SACS: variants seen among roughly 807,000 people sequenced by gnomAD.
SACS encodes the protein sacsin molecular chaperone.
In SACS, 197 loss-of-function variants were observed where a neutral mutation model predicts 348.0. The observed-to-expected ratio is 0.57, with a 90% CI of 0.50 to 0.64. SACS has a LOEUF of 0.64. SACS is among the 30% of genes least tolerant of loss of function. The pLI is 0.00. For synonymous variants in SACS, 1,985 were observed against 1,910.6 expected, an observed-to-expected ratio of 1.04 and a Z score of -1.02; for missense variants, 4,999 against 5,360.8, an observed-to-expected ratio of 0.93 and a Z score of 2.11.
intron 9 of SACS, among the ~76,000 whole-genome samples, chr13:23,346,999 A>T (rs2137672787): frequency 6.6e-6 from 1 of 152,348 alleles, no homozygotes; most frequent in South Asian, 2.1e-4. Context: ...ACATAGCAGA[A>T]TACACATCTA....
Position 23,335,328 on chromosome 13 carries a change from G to A in SACS, c.8548C>T (p.Arg2850Cys). 6.2e-7 allele frequency: 1 copy of A among 1,613,906 alleles called. No individual in the cohort carries two copies. The highest frequency in any genetic ancestry group is 8.5e-7 in the Non-Finnish European group (1 of 1,179,872). ...HKNQDITLFP[R>C]GGVAACITHN... ...GTAATGCAGGCAGCTACTCCACCAC[G>A]TGGGAAAAGAGTAATATCTTGGTTC... is the stretch of plus-strand genomic sequence containing the variant. The change falls in exon 10 of 10, where the codon CGT (arginine) becomes TGT (cysteine). Residue 2850 changes from arginine to cysteine, a missense_variant. This residue lies in a region of SACS where 3,156 missense variants were observed against 3,380.1 expected (regional missense o/e 0.93). Coordinates refer to ENST00000382292, the MANE Select transcript of SACS (RefSeq NM_014363.6). This position sits in a 1 kb window ranked among gnomAD's most constrained non-coding sequence, Gnocchi z 4.7.
chr13:23,336,769 T>A lies in SACS; in HGVS notation c.7107A>T (p.Pro2369=). 6.2e-7 allele frequency: 1 copy of A among 1,613,902 alleles called. No homozygotes were observed. The highest frequency in any genetic ancestry group is 8.5e-7 in the Non-Finnish European group (1 of 1,179,868). Residue 2369 remains proline, a synonymous_variant, in exon 10 of 10, where the codon CCA becomes CCT. Transcript: ENST00000382292. The stretch of plus-strand genomic sequence containing the variant: ...ACTTATTAGGCAACTGATAAAGGTA[T>A]GGTGCCGCCTCAAAATTTAAATGAA... ...VSFHLNFEAA[P]YLYQLPNKYK...
rs2137643172 is a variant in SACS, at chr13:23,341,339, T to G, written c.2537A>C (p.Lys846Thr). 1.2e-6 allele frequency: 2 copies of G among 1,605,320 alleles called. No individual in the cohort carries two copies. The highest frequency in any genetic ancestry group is 2.7e-5 in the African/African-American group (2 of 74,568). Residue 846 changes from lysine (K) to threonine (T), a missense_variant, in exon 10 of 10, where the codon AAA (lysine) becomes ACA (threonine). Transcript: ENST00000382292. ...LPEFLADIVQKLGGFVLKKLD... is the reference protein window; with the variant it reads ...LPEFLADIVQTLGGFVLKKLD... Reference sequence around the variant, plus strand: ...TTTTTTAAGGACAAACCCTCCAAGTTTTTGTACAATGTCTGCTAAAAATTC... The same window carrying G: ...TTTTTTAAGGACAAACCCTCCAAGTGTTTGTACAATGTCTGCTAAAAATTC...
intron 1 of SACS, among the ~76,000 whole-genome samples, chr13:23,416,958 T>C (rs1378530705): frequency 6.6e-6 from 1 of 152,112 alleles, no homozygotes; most frequent in African/African-American, 2.4e-5. Flanking sequence ...TATTCATGGA[T>C]AGAGTATTCA....
intron 2 of SACS, among the ~76,000 whole-genome samples, chr13:23,387,055 G>A (rs1290367333): frequency 1.3e-5 from 2 of 152,180 alleles, no homozygotes; most frequent in Non-Finnish European, 2.9e-5. Context: ...AAAATATTAT[G>A]AGAATTTCCA....
chr13:23,402,098 A>G (rs1461019790), intron 2 of SACS, among the ~76,000 whole-genome samples: 2 of 152,086 alleles, frequency 1.3e-5, no homozygotes, highest in African/African-American at 2.4e-5. Flanking sequence ...GAATGGCATG[A>G]ACCTGGAAGG....
In SACS at chr13:23,387,174, T is replaced by C. The variant is rs577273279; in HGVS notation, c.21-11905A>G. On this transcript the variant is annotated intron_variant, in intron 2 of 9. Coordinates refer to ENST00000382292, the MANE Select transcript of SACS (RefSeq NM_014363.6). The stretch of plus-strand genomic sequence containing the variant: ...AAACCTTCGATTTGTTAAAAACGAA[T>C]GTCGGCCGGGCGCGGTGGCTCACGC... Among the ~76,000 whole-genome samples the C allele has an allele frequency of 5.3e-5, 8 of 151,938 alleles. No individual in the cohort carries two copies. The South Asian group carries it at 1.7e-3, about 32-fold the overall frequency.
intron 2 of SACS, among the ~76,000 whole-genome samples, chr13:23,384,737 T>C (rs951064736): frequency 1.3e-5 from 2 of 152,180 alleles, no homozygotes; most frequent in Admixed American, 6.5e-5. Flanking sequence ...GAAGGAATCA[T>C]TGGCATTCAT....
chr13:23,340,445 G>T lies in SACS; in HGVS notation c.3431C>A (p.Ser1144Ter), dbSNP rs1869096135. The T allele has an allele frequency of 6.2e-7, 1 of 1,613,882 alleles. No individual in the cohort carries two copies. Among genetic ancestry groups the T allele is most frequent in the African/African-American group, 1.3e-5 (1 of 74,900 alleles). ...VLNKNHTLLQ[S>*]SEGKMTLKKI... is the part of the protein sequence containing the mutation. ...CTTCAATGTCATCTTTCCTTCAGATGATTGCAACAGTGTGTGATTCTTATT... is the reference window on the plus strand; with the variant it reads ...CTTCAATGTCATCTTTCCTTCAGATTATTGCAACAGTGTGTGATTCTTATT... Residue 1144 changes from serine to a stop codon, truncating the protein, a stop_gained, in exon 10 of 10, where the codon TCA (serine) becomes TAA (stop). Coordinates refer to ENST00000382292, the MANE Select transcript of SACS (RefSeq NM_014363.6). LOFTEE classifies it high-confidence loss of function.
chr13:23,416,040 G>C (rs1467144853), intron 1 of SACS, among the ~76,000 whole-genome samples: 3 of 152,184 alleles, frequency 2.0e-5, no homozygotes, highest in East Asian at 1.9e-4. Flanking sequence ...AGCACTCTGG[G>C]GGGCTGAGGC....
At chr13:23,404,891 T>C (rs2137940313) in intron 2 of SACS, among the ~76,000 whole-genome samples, 1 of 152,284 alleles carries the variant, frequency 6.6e-6, no homozygotes, top group South Asian at 2.1e-4. Flanking sequence ...TACAAACCAC[T>C]GCTCAAGGAA....
Position 23,411,375 on chromosome 13 carries a change from G to A in SACS, c.-136C>T. ...TTCCTGCCAGGTGGAAAAAAAGCCT[G>A]TTTTTCCCTTCAGTGTCCATTCATC... is the stretch of plus-strand genomic sequence containing the variant. On this transcript the variant is annotated 5_prime_UTR_variant, in exon 2 of 10. Transcript: ENST00000382292. The A allele has an allele frequency of 2.5e-6, 2 of 794,270 alleles. No individual in the cohort carries two copies. The highest frequency in any genetic ancestry group is 4.4e-6 in the Non-Finnish European group (2 of 457,784). 49.2% of individuals were successfully genotyped at this position (794,270 alleles called of 1,614,324 possible).
chr13:23,353,723 A>G (rs1473795579), intron 9 of SACS, 62 bp downstream of exon 9: 6 of 919,626 alleles, frequency 6.5e-6, no homozygotes, highest in Middle Eastern at 3.3e-4. Flanking sequence ...ATAACAGAAA[A>G]CTTTTAAAAA....
chr13:23,357,263 C>T (rs147401112), intron 7 of SACS, among the ~76,000 whole-genome samples: 75 of 152,268 alleles, frequency 4.9e-4, no homozygotes, highest in African/African-American at 1.8e-3. Context: ...TACTACATGG[C>T]ACAGACTTGT....
chr13:23,418,406 A>G lies in SACS; in HGVS notation c.-501-6666T>C, dbSNP rs187571183. ...GTGCTTTTTGTTCCTTAATAATTATATGCTTAACATTATACAAGATTTTTA... is the reference window on the plus strand; with the variant it reads ...GTGCTTTTTGTTCCTTAATAATTATGTGCTTAACATTATACAAGATTTTTA... On this transcript the variant is annotated intron_variant, in intron 1 of 9. Transcript: ENST00000382292. Among the ~76,000 whole-genome samples the G allele has an allele frequency of 1.4e-4, 22 of 152,304 alleles. No individual in the cohort carries two copies. The East Asian group carries it at 3.9e-3, about 27-fold the overall frequency.
In SACS at chr13:23,412,077, G is replaced by C. The variant is rs142636415; in HGVS notation, c.-501-337C>G. Among the ~76,000 whole-genome samples, 4,360 of 152,212 alleles carry C rather than the reference G, an allele frequency of 0.029. 102 individuals carry two copies. The highest frequency in any genetic ancestry group is 0.076 in the East Asian group (393 of 5,164). On this transcript the variant is annotated intron_variant, in intron 1 of 9. Transcript: ENST00000382292. ...GATTGAGACCATCCTGGCTAATACG[G>C]TGAAACCCCGTCTCTACTAAAAATA...
intron 5 of SACS, 100 bp downstream of exon 5, chr13:23,368,299 GACA>G: frequency 1.3e-6 from 1 of 793,698 alleles, no homozygotes; most frequent in Non-Finnish European, 2.1e-6. Context: ...TTTGAATCTA[GACA>G]ACATTTTAAA....
intron 1 of SACS, among the ~76,000 whole-genome samples, chr13:23,429,345 A>ATTGTTTTT: frequency 1.9e-5 from 1 of 51,466 alleles, no homozygotes; most frequent in Non-Finnish European, 3.5e-5. Flanking sequence ...TGAGGTAGGG[A>ATTGTTTTT]TTTTTTTTTT....
chr13:23,338,531 A>AT lies in SACS; in HGVS notation c.5344_5345insA (p.Phe1782TyrfsTer2). On this transcript the variant is annotated frameshift_variant, in exon 10 of 10. Transcript: ENST00000382292. LOFTEE classifies it high-confidence loss of function. ...AGCTGGGTCATCATCTGGACCTCTA[A>AT]AAAGTGGCGACTGTAAATCAGCAAT... 1 of 1,614,182 alleles carries AT rather than the reference A, an allele frequency of 6.2e-7. No homozygotes were observed. The highest frequency in any genetic ancestry group is 8.5e-7 in the Non-Finnish European group (1 of 1,180,010).
Sources: gnomAD v4.1 joint callset for allele counts (sites outside exome capture counted in the v4.1 genomes callset) on GRCh38, gnomAD v4.1.1 for gene constraint, gnomAD v4.1.1 regional missense constraint, Gnocchi (gnomAD v3.1) non-coding constraint, MANE v1.5 for transcripts, NCBI Gene and HGNC (gene_info 2026-07-23, HGNC 2026-07-21) for gene names.